The following KCNK9 variants were observed in gnomAD, a reference collection of about 807,000 sequenced individuals.
KCNK9 encodes the protein potassium two pore domain channel subfamily K member 9, also known as potassium channel subfamily K member 9.
In KCNK9, 1 loss-of-function variant was observed where a neutral mutation model predicts 10.8. The observed-to-expected ratio is 0.09, with a 90% confidence interval of 0.03 to 0.44. The LOEUF (loss-of-function observed/expected upper bound fraction) is 0.44. KCNK9 is among the 20% of genes least tolerant of loss of function. KCNK9 has a pLI of 0.97. For synonymous variants in KCNK9, 231 were observed against 222.7 expected, an observed-to-expected ratio of 1.04 and a Z score of -0.33; for missense variants, 303 against 515.0, an observed-to-expected ratio of 0.59 and a Z score of 3.98.
chr8:139,624,826 G>A (rs753206325), intron 1 of KCNK9, among the ~76,000 whole-genome samples: 1 of 152,214 alleles, frequency 6.6e-6, no homozygotes, highest in Non-Finnish European at 1.5e-5. Context: ...AGGGCAGGCC[G>A]GTGACGGGGT....
In KCNK9 at chr8:139,617,337, T is replaced by C. The variant is rs1444413155; in HGVS notation, c.*921A>G. 6.6e-6 allele frequency among the ~76,000 whole-genome samples: 1 copy of C among 152,200 alleles called. No individual in the cohort carries two copies. Among genetic ancestry groups the C allele is most frequent in the Admixed American group, 6.5e-5 (1 of 15,288 alleles). ...TTCCCGTTTCCCCTGACAATTCCAG[T>C]TGCATGGTAAATTGTTGGAACTGGA... On this transcript the variant is annotated 3_prime_UTR_variant, in exon 2 of 2. Transcript: ENST00000520439.
chr8:139,643,793 C>T (rs542321919), intron 1 of KCNK9, among the ~76,000 whole-genome samples: 74 of 152,356 alleles, frequency 4.9e-4, no homozygotes, highest in African/African-American at 1.7e-3. Flanking sequence ...AAAGCCTCTT[C>T]CCTCATCTAC....
chr8:139,689,844 A>G (rs1563752991), intron 1 of KCNK9, among the ~76,000 whole-genome samples: 2 of 152,138 alleles, frequency 1.3e-5, no homozygotes, highest in East Asian at 3.9e-4. Context: ...GGGTTTCACC[A>G]TGTTAGCCAG....
At chr8:139,688,824 T>C (rs1243839859) in intron 1 of KCNK9, among the ~76,000 whole-genome samples, 1 of 152,254 alleles carries the variant, frequency 6.6e-6, no homozygotes, top group African/African-American at 2.4e-5. Flanking sequence ...GTGACTTCTA[T>C]GTGATGGGCC....
At chr8:139,641,236 C>T (rs1305587504) in intron 1 of KCNK9, among the ~76,000 whole-genome samples, 1 of 152,172 alleles carries the variant, frequency 6.6e-6, no homozygotes, top group Non-Finnish European at 1.5e-5. Flanking sequence ...AGGAACAGCT[C>T]ATTCATACCT....
At chr8:139,674,403 G>A (rs972464734) in intron 1 of KCNK9, among the ~76,000 whole-genome samples, 2 of 152,206 alleles carry the variant, frequency 1.3e-5, no homozygotes, top group Admixed American at 6.5e-5. Flanking sequence ...TCTGTTGTCT[G>A]AGCCGCTCCG....
intron 1 of KCNK9, among the ~76,000 whole-genome samples, chr8:139,627,308 C>G (rs1815008772): frequency 6.6e-6 from 1 of 152,164 alleles, no homozygotes; most frequent in African/African-American, 2.4e-5. Context: ...CCTATTTCTA[C>G]TGGGCACCAC....
chr8:139,609,369 C>CTGAG (rs1814347130), downstream of KCNK9, among the ~76,000 whole-genome samples: 1 of 152,018 alleles, frequency 6.6e-6, no homozygotes, highest in African/African-American at 2.4e-5. Context: ...CTAAGCTGAC[C>CTGAG]TGAGGCAAGG....
chr8:139,624,166 AGCTTCACCGCCTG>A (rs941953784), intron 1 of KCNK9, among the ~76,000 whole-genome samples: 1 of 152,126 alleles, frequency 6.6e-6, no homozygotes, highest in African/African-American at 2.4e-5. Context: ...TCATCTCCAG[AGCTTCACCGCCTG>A]TTTTGCTGAC....
At chr8:139,634,645 C>T (rs1046240100) in intron 1 of KCNK9, among the ~76,000 whole-genome samples, 1 of 152,144 alleles carries the variant, frequency 6.6e-6, no homozygotes, top group Non-Finnish European at 1.5e-5. Context: ...GGCTCAGACC[C>T]CAATTTGTCT....
chr8:139,665,309 C>T (rs1352893018), intron 1 of KCNK9, among the ~76,000 whole-genome samples: 1 of 152,146 alleles, frequency 6.6e-6, no homozygotes, highest in Non-Finnish European at 1.5e-5. Context: ...CAAAGCAGGG[C>T]TGTAGTCCTC....
At chr8:139,659,100 G>C (rs1816089132) in intron 1 of KCNK9, among the ~76,000 whole-genome samples, 1 of 152,248 alleles carries the variant, frequency 6.6e-6, no homozygotes, top group Non-Finnish European at 1.5e-5. Flanking sequence ...AAGCCGCTGA[G>C]TCTTCGGGGC....
chr8:139,702,905 C>G lies in KCNK9; in HGVS notation c.88G>C (p.Glu30Gln). 6.2e-7 allele frequency: 1 copy of G among 1,613,660 alleles called. No homozygotes were observed. The highest frequency in any genetic ancestry group is 2.2e-5 in the East Asian group (1 of 44,820). ...LVGAAVFDALESDHEMREEEK... is the reference protein window; with the variant it reads ...LVGAAVFDALQSDHEMREEEK... ...TCCTCGCGCATCTCGTGGTCCGACT[C>G]GAGGGCGTCGAACACGGCGGCGCCC... Residue 30 changes from glutamate to glutamine, a missense_variant, in exon 1 of 2, where the codon GAG (glutamate) becomes CAG (glutamine). Physicochemically the swap from Glu to Gln is conservative, Grantham distance 29. This residue lies in a region of KCNK9 where 58 missense variants were observed against 102.4 expected (regional missense o/e 0.57). Transcript: ENST00000520439. The surrounding 1 kb of genome is among the most constrained non-coding windows in gnomAD (Gnocchi z 7.5).
chr8:139,653,158 C>T lies in KCNK9; in HGVS notation c.284-34059G>A, dbSNP rs563858202. Among the ~76,000 whole-genome samples the T allele has an allele frequency of 3.3e-5, 5 of 152,304 alleles. No individual in the cohort carries two copies. In the South Asian group the frequency reaches 6.2e-4, roughly 19 times the overall value. On this transcript the variant is annotated intron_variant, in intron 1 of 1. Coordinates refer to ENST00000520439, the MANE Select transcript of KCNK9 (RefSeq NM_001282534.2). ...TTACTGTGAGGCTGAAGAAGCATCACGGATGCCACCAGCCCTGTCAGCCTC... is the reference window on the plus strand; with the variant it reads ...TTACTGTGAGGCTGAAGAAGCATCATGGATGCCACCAGCCCTGTCAGCCTC...
At chr8:139,692,371 A>G (rs1481867522) in intron 1 of KCNK9, among the ~76,000 whole-genome samples, 2 of 152,220 alleles carry the variant, frequency 1.3e-5, no homozygotes, top group African/African-American at 2.4e-5. Flanking sequence ...TGCTGAAGCC[A>G]TTCTTGGATG....
chr8:139,677,533 C>T (rs1475803569), intron 1 of KCNK9, among the ~76,000 whole-genome samples: 1 of 151,218 alleles, frequency 6.6e-6, no homozygotes, highest in Admixed American at 6.6e-5. Flanking sequence ...AAGCATTTGA[C>T]TGAGGGTGAG....
chr8:139,627,519 A>G (rs765448195), intron 1 of KCNK9, among the ~76,000 whole-genome samples: 1 of 152,196 alleles, frequency 6.6e-6, no homozygotes, highest in African/African-American at 2.4e-5. Flanking sequence ...GAACTCAGCC[A>G]CAGAAGATAA....
chr8:139,623,899 G>A (rs1814877308), intron 1 of KCNK9, among the ~76,000 whole-genome samples: 1 of 152,178 alleles, frequency 6.6e-6, no homozygotes, highest in South Asian at 2.1e-4. Context: ...TCCGACTGCG[G>A]GTGAGATCTA....
At chr8:139,678,003 C>T (rs984794) in intron 1 of KCNK9, among the ~76,000 whole-genome samples, 75,066 of 149,196 alleles carry the variant, frequency 0.5, 20,507 homozygotes, top group South Asian at 0.59. Context: ...CAGGTCCCCA[C>T]GGCTGCAGAG....
Sources: allele counts gnomAD v4.1 joint callset (sites outside exome capture counted in the v4.1 genomes callset), GRCh38; gene constraint gnomAD v4.1.1; regional missense constraint gnomAD v4.1.1; non-coding constraint Gnocchi (gnomAD v3.1); transcripts MANE v1.5; gene names NCBI Gene and HGNC (gene_info 2026-07-23, HGNC 2026-07-21).